Variants in CLTC observed in about 807,000 individuals in gnomAD.
CLTC encodes clathrin heavy chain, also known as clathrin heavy chain 1.
Under a neutral mutation model 195.8 loss-of-function variants are expected in CLTC, and 16 were observed. The ratio of observed to expected loss-of-function variants is 0.08; its 90% confidence interval spans 0.06 to 0.12. The LOEUF (loss-of-function observed/expected upper bound fraction) is 0.12. Ranked by LOEUF, CLTC falls within the 10% of genes least tolerant of loss-of-function variation. The pLI, the probability that CLTC is intolerant of heterozygous loss-of-function variation, is 1.00. For synonymous variants in CLTC, 667 were observed against 689.4 expected, an observed-to-expected ratio of 0.97 and a Z score of 0.51; for missense variants, 796 against 2,027.0, an observed-to-expected ratio of 0.39 and a Z score of 11.66.
At position 59,624,454 on chromosome 17, in the gene CLTC, CTT is replaced by C. The variant is rs5821272; in HGVS notation, c.42+4305_42+4306del. Among the ~76,000 whole-genome samples, 499 of 98,024 alleles carry C rather than the reference CTT, an allele frequency of 5.1e-3. 1 individual carries two copies. Among genetic ancestry groups the C allele is most frequent in the African/African-American group, 9.8e-3 (212 of 21,614 alleles). 64.3% of individuals were successfully genotyped at this position (98,024 alleles called of 152,430 possible). A position where few individuals can be genotyped will look rare whatever the true frequency, so the allele number is the denominator to read the frequency against. On this transcript the variant is annotated intron_variant, in intron 1 of 31. Coordinates refer to ENST00000269122, the MANE Select transcript of CLTC (RefSeq NM_004859.4). Reference sequence around the variant, plus strand: ...ATAGAAAAATAATATGAGCCACATACTTTTTTTTTTTTTTTTTTTTTTTTTGA... The same window carrying C: ...ATAGAAAAATAATATGAGCCACATACTTTTTTTTTTTTTTTTTTTTTTTGA...
chr17:59,644,142 T>C (rs2032121983), intron 1 of CLTC, 134 bp from the exon 2 acceptor site: 1 of 678,246 alleles, frequency 1.5e-6, no homozygotes, highest in Non-Finnish European at 2.5e-6. Context: ...TAGTCTCTCT[T>C]TAATTAACAT....
intron 1 of CLTC, among the ~76,000 whole-genome samples, chr17:59,643,132 G>GGTGT (rs59380117): frequency 0.083 from 11,786 of 142,182 alleles, 1,142 homozygotes; most frequent in African/African-American, 0.24. Context: ...TCTTTTCTGG[G>GGTGT]GTGTGTGTGT....
chr17:59,636,814 G>A (rs1156459070), intron 1 of CLTC, among the ~76,000 whole-genome samples: 3 of 152,044 alleles, frequency 2.0e-5, no homozygotes, highest in Non-Finnish European at 4.4e-5. Context: ...CCAGGCTGGA[G>A]TGCAATGGCA....
At chr17:59,649,340 A>G (rs2032272335) in intron 4 of CLTC, among the ~76,000 whole-genome samples, 1 of 152,164 alleles carries the variant, frequency 6.6e-6, no homozygotes, top group Admixed American at 6.5e-5. Flanking sequence ...CGATTTGACT[A>G]CTATTTCCAC....
intron 30 of CLTC, chr17:59,687,191 C>T: frequency 5.8e-6 from 1 of 172,740 alleles, no homozygotes; most frequent in Non-Finnish European, 1.2e-5. Context: ...AGCTGTAGGA[C>T]ATTAGTAGAC....
chr17:59,673,563 C>T (rs1164273770), intron 14 of CLTC, 84 bp from the exon 15 acceptor site: 7 of 1,017,844 alleles, frequency 6.9e-6, no homozygotes, highest in Non-Finnish European at 8.9e-6. Flanking sequence ...CTCTTGTTAG[C>T]GTAGAACAAA....
chr17:59,626,456 C>CT (rs1361139488), intron 1 of CLTC, among the ~76,000 whole-genome samples: 1 of 151,992 alleles, frequency 6.6e-6, no homozygotes, highest in Non-Finnish European at 1.5e-5. Flanking sequence ...GAAAAAAAAA[C>CT]TTAATGAATC....
At chr17:59,644,811 A>G (rs1276611345) in intron 2 of CLTC, among the ~76,000 whole-genome samples, 2 of 152,206 alleles carry the variant, frequency 1.3e-5, no homozygotes, top group East Asian at 3.9e-4. Flanking sequence ...TCGGCCTCCC[A>G]GAGTGCTGAG....
chr17:59,691,310 C>T (rs972844650), intron 31 of CLTC, among the ~76,000 whole-genome samples: 1 of 152,082 alleles, frequency 6.6e-6, no homozygotes, highest in African/African-American at 2.4e-5. Context: ...AGCACAATAA[C>T]CAGGTGAGGG....
Position 59,682,479 on chromosome 17 carries a change from CT to C in CLTC, c.3600+53del. 6.2e-7 allele frequency: 1 copy of C among 1,605,436 alleles called. No homozygotes were observed. Among genetic ancestry groups the C allele is most frequent in the Middle Eastern group, 1.7e-4 (1 of 6,030 alleles). ...AAAACTAGTTGGGCTACTTGATTAG[CT>C]TGGTAGGATCAAAACATCATAACTG... On this transcript the variant is annotated intron_variant, in intron 22 of 31. Coordinates refer to ENST00000269122, the MANE Select transcript of CLTC (RefSeq NM_004859.4). This position sits in a 1 kb window ranked among gnomAD's most constrained non-coding sequence, Gnocchi z 6.8.
rs777719342 is a variant in CLTC, at chr17:59,683,542, T to A, written c.4191+6T>A. ...TCAAAGATATCATTACCAAGGTGTG[T>A]ACTTTCTTCAGAAGATAAAGGATTC... On this transcript the variant is annotated splice_donor_region_variant and intron_variant, in intron 26 of 31. Coordinates refer to ENST00000269122, the MANE Select transcript of CLTC (RefSeq NM_004859.4). The surrounding 1 kb of genome is among the most constrained non-coding windows in gnomAD (Gnocchi z 6.1). The A allele has an allele frequency of 1.9e-6, 3 of 1,613,484 alleles. No homozygotes were observed. The highest frequency in any genetic ancestry group is 2.5e-6 in the Non-Finnish European group (3 of 1,179,780).
rs2032582340 is a variant in CLTC, at chr17:59,660,437, C to A, written c.1016C>A (p.Thr339Asn). 6.2e-7 allele frequency: 1 copy of A among 1,614,076 alleles called. No homozygotes were observed. Among genetic ancestry groups the A allele is most frequent in the Non-Finnish European group, 8.5e-7 (1 of 1,179,972 alleles). Residue 339 changes from threonine to asparagine, a missense_variant, in exon 7 of 32, where the codon ACC becomes AAC. Coordinates refer to ENST00000269122, the MANE Select transcript of CLTC (RefSeq NM_004859.4). ...VEEENIIPYI[T>N]NVLQNPDLAL... ...GAAGAAAACATAATTCCTTACATCACCAATGTTCTACAAAATCCTGATTTG... is the reference window on the plus strand; with the variant it reads ...GAAGAAAACATAATTCCTTACATCAACAATGTTCTACAAAATCCTGATTTG...
rs889992786 is a variant in CLTC, at chr17:59,666,240, A to G, written c.1782A>G (p.Gln594=). Residue 594 remains glutamine (Q), a splice_region_variant and synonymous_variant, in exon 11 of 32, where the codon CAA becomes CAG. Transcript: ENST00000269122. This position sits in a 1 kb window ranked among gnomAD's most constrained non-coding sequence, Gnocchi z 4.9. The part of the protein sequence containing the change: ...LLEMNLMHAP[Q]VADAILGNQM... ...AGATGAACCTTATGCATGCGCCTCA[A>G]GTATGTGTTTTAATGCTTTTTAGGC... 3.1e-6 allele frequency: 5 copies of G among 1,613,312 alleles called. No individual in the cohort carries two copies. Among genetic ancestry groups the G allele is most frequent in the South Asian group, 1.1e-5 (1 of 91,034 alleles).
chr17:59,673,184 G>T (rs1174357667), intron 14 of CLTC, among the ~76,000 whole-genome samples: 3 of 152,030 alleles, frequency 2.0e-5, no homozygotes. Context: ...TTATAATAGA[G>T]TATTAGAGGC....
At position 59,696,879 on chromosome 17, in the gene CLTC, G is replaced by A. The variant is rs1349499906; in HGVS notation, c.*3027G>A. On this transcript the variant is annotated 3_prime_UTR_variant, in exon 32 of 32. Coordinates refer to ENST00000269122, the MANE Select transcript of CLTC (RefSeq NM_004859.4). ...TAGGCTGTGATTTAGAACCACTGCT[G>A]ATTAACCTTTGGCCAGTATGGGTCA... is the stretch of plus-strand genomic sequence containing the variant. The A allele has an allele frequency of 1.0e-5, 2 of 199,534 alleles. No individual in the cohort carries two copies. Among genetic ancestry groups the A allele is most frequent in the Admixed American group, 1.2e-4 (2 of 16,642 alleles). The allele number at this position is 199,534 out of a possible 1,614,324, so 12.4% of individuals were successfully genotyped here. A position where few individuals can be genotyped will look rare whatever the true frequency, so the allele number is the denominator to read the frequency against.
At position 59,619,938 on chromosome 17, in the gene CLTC, G is replaced by A; in HGVS notation, c.-194G>A. The A allele has an allele frequency of 1.8e-6, 1 of 548,598 alleles. No individual in the cohort carries two copies. 34.0% of individuals were successfully genotyped at this position (548,598 alleles called of 1,614,324 possible). A position where few individuals can be genotyped will look rare whatever the true frequency, so the allele number is the denominator to read the frequency against. On this transcript the variant is annotated 5_prime_UTR_variant, in exon 1 of 32. Transcript: ENST00000269122. ...CGCTGCGCCCGGTTCCGCCATTGCG[G>A]CTCTCCTGGCCCCTGGAGCCTCCGC...
At chr17:59,629,613 C>T (rs753696734) in intron 1 of CLTC, among the ~76,000 whole-genome samples, 2 of 151,096 alleles carry the variant, frequency 1.3e-5, no homozygotes, top group African/African-American at 2.4e-5. Context: ...TTCTGCCTCC[C>T]GGGTTCAAGC....
At chr17:59,673,963 A>G in intron 15 of CLTC, among the ~76,000 whole-genome samples, 191 bp downstream of exon 15, 1 of 152,046 alleles carries the variant, frequency 6.6e-6, no homozygotes, top group Admixed American at 6.6e-5. Flanking sequence ...CAGTGGCACA[A>G]TCACAGCTCA....
At chr17:59,673,835 G>A (rs2032907274) in intron 15 of CLTC, 63 bp downstream of exon 15, 1 of 872,804 alleles carries the variant, frequency 1.1e-6, no homozygotes, top group South Asian at 1.7e-5. Flanking sequence ...CTCATATTCT[G>A]GAAATCCTTT....
Sources: gnomAD v4.1 joint callset for allele counts (sites outside exome capture counted in the v4.1 genomes callset) on GRCh38, gnomAD v4.1.1 for gene constraint, Gnocchi (gnomAD v3.1) non-coding constraint, MANE v1.5 for transcripts, NCBI Gene and HGNC (gene_info 2026-07-23, HGNC 2026-07-21) for gene names.